The following COG5 variants were observed in gnomAD, a reference collection of about 807,000 sequenced individuals.
COG5 encodes conserved oligomeric Golgi complex subunit 5.
COG5 carries 86 observed loss-of-function variants against 110.4 expected under a neutral mutation model. The ratio of observed to expected loss-of-function variants is 0.78; its 90% confidence interval spans 0.65 to 0.93. The LOEUF (loss-of-function observed/expected upper bound fraction) is 0.93. Ranked by LOEUF, COG5 falls within the 40% of genes least tolerant of loss-of-function variation. COG5 has a pLI of 0.00. For missense variants in COG5, 1,077 were observed against 987.0 expected, an observed-to-expected ratio of 1.09 and a Z score of -1.22; for synonymous variants, 360 against 334.6, an observed-to-expected ratio of 1.08 and a Z score of -0.83.
chr7:107,460,029 A>T (rs190924178), intron 6 of COG5, among the ~76,000 whole-genome samples: 208 of 152,330 alleles, frequency 1.4e-3, no homozygotes, highest in Non-Finnish European at 2.6e-3. Flanking sequence ...CATACAAATC[A>T]TGTTCTCTGA....
At chr7:107,353,241 C>T (rs966022652) in intron 10 of COG5, among the ~76,000 whole-genome samples, 34 of 151,816 alleles carry the variant, frequency 2.2e-4, no homozygotes, top group African/African-American at 7.0e-4. Flanking sequence ...CTGGCTAACA[C>T]GGTGAAACCC....
chr7:107,444,715 C>T (rs1251357934), intron 6 of COG5, among the ~76,000 whole-genome samples: 2 of 152,082 alleles, frequency 1.3e-5, no homozygotes, highest in East Asian at 3.8e-4. Context: ...TATGCCTCTC[C>T]TGTAATAAAA....
intron 7 of COG5, among the ~76,000 whole-genome samples, chr7:107,380,488 C>A (rs1218948433): frequency 6.6e-6 from 1 of 152,154 alleles, no homozygotes; most frequent in Non-Finnish European, 1.5e-5. Context: ...GAGATCACCA[C>A]TGATCCCACA....
chr7:107,264,020 G>C (rs558983148), intron 14 of COG5, among the ~76,000 whole-genome samples: 2 of 151,956 alleles, frequency 1.3e-5, no homozygotes, highest in Admixed American at 1.3e-4. Flanking sequence ...TGATGGCTCC[G>C]AAAAATGTCT....
chr7:107,358,165 C>T (rs1812791120), intron 10 of COG5, among the ~76,000 whole-genome samples: 1 of 152,230 alleles, frequency 6.6e-6, no homozygotes, highest in East Asian at 1.9e-4. Context: ...ACAGTTGTTT[C>T]ATTATAACTG....
intron 6 of COG5, among the ~76,000 whole-genome samples, chr7:107,467,316 C>T (rs1364419708): frequency 6.6e-6 from 1 of 152,058 alleles, no homozygotes; most frequent in Non-Finnish European, 1.5e-5. Context: ...GTGAGTGTTA[C>T]TACGGAAACA....
chr7:107,284,297 T>G (rs1193299857), intron 12 of COG5, among the ~76,000 whole-genome samples: 1 of 152,212 alleles, frequency 6.6e-6, no homozygotes, highest in Non-Finnish European at 1.5e-5. Flanking sequence ...CCTACTGTAT[T>G]ATCTGTTTCC....
At chr7:107,219,214 A>C (rs984652866) in intron 19 of COG5, among the ~76,000 whole-genome samples, 1 of 152,190 alleles carries the variant, frequency 6.6e-6, no homozygotes, top group Non-Finnish European at 1.5e-5. Context: ...GTGGGGGAAA[A>C]GGGAACCCTT....
At chr7:107,492,403 G>C (rs1215920121) in intron 6 of COG5, among the ~76,000 whole-genome samples, 1 of 151,990 alleles carries the variant, frequency 6.6e-6, no homozygotes, top group Non-Finnish European at 1.5e-5. Context: ...TTACCTTATA[G>C]CTCTGAAGGT....
At chr7:107,342,368 C>CAAAAAAAAAAAAAA (rs796981383) in intron 10 of COG5, among the ~76,000 whole-genome samples, 1 of 97,778 alleles carries the variant, frequency 1.0e-5, no homozygotes. Flanking sequence ...ACAAACAAAC[C>CAAAAAAAAAAAAAA]AAAAAAAAAA....
intron 6 of COG5, among the ~76,000 whole-genome samples, chr7:107,486,211 T>C (rs1416702902): frequency 6.6e-6 from 1 of 152,048 alleles, no homozygotes. Flanking sequence ...GTGAAAAACA[T>C]ACATTTTCAC....
At chr7:107,437,825 C>T (rs1339501418) in intron 6 of COG5, among the ~76,000 whole-genome samples, 1 of 152,070 alleles carries the variant, frequency 6.6e-6, no homozygotes, top group Non-Finnish European at 1.5e-5. Flanking sequence ...AACCAATATC[C>T]ACTTTCCCCT....
intron 5 of COG5, among the ~76,000 whole-genome samples, chr7:107,540,853 TA>T (rs1195399992): frequency 1.3e-5 from 2 of 152,034 alleles, no homozygotes; most frequent in African/African-American, 2.4e-5. Context: ...AATTAAATGT[TA>T]AAATATATTT....
chr7:107,322,141 T>C (rs985012198), intron 11 of COG5, among the ~76,000 whole-genome samples: 4 of 152,228 alleles, frequency 2.6e-5, no homozygotes, highest in Admixed American at 2.6e-4. Context: ...TGAATGGTTT[T>C]ATCTCCCCAA....
chr7:107,386,562 G>A (rs1316068800), intron 7 of COG5, among the ~76,000 whole-genome samples: 1 of 152,130 alleles, frequency 6.6e-6, no homozygotes, highest in Non-Finnish European at 1.5e-5. Context: ...CCAAGTTTGG[G>A]GGGGATTGTT....
intron 5 of COG5, among the ~76,000 whole-genome samples, chr7:107,538,924 A>G (rs1801782153): frequency 6.6e-6 from 1 of 152,228 alleles, no homozygotes; most frequent in Non-Finnish European, 1.5e-5. Context: ...ATATTATTTG[A>G]CCATATAAGT....
intron 7 of COG5, among the ~76,000 whole-genome samples, chr7:107,385,572 T>G (rs1400661065): frequency 9.9e-5 from 15 of 152,116 alleles, no homozygotes; most frequent in African/African-American, 2.4e-5. Flanking sequence ...GGATAAACCT[T>G]GAGGACATTT....
chr7:107,507,044 C>A (rs1412316629), intron 6 of COG5, among the ~76,000 whole-genome samples: 1 of 152,202 alleles, frequency 6.6e-6, no homozygotes, highest in African/African-American at 2.4e-5. Context: ...TATGTCACCA[C>A]TTCCTAAATC....
intron 7 of COG5, among the ~76,000 whole-genome samples, chr7:107,376,464 T>C (rs1209588266): frequency 2.0e-5 from 3 of 151,968 alleles, no homozygotes; most frequent in Admixed American, 6.6e-5. Context: ...TAATGTTTTA[T>C]AGATAGTTTT....
Sources: gnomAD v4.1 joint callset for allele counts (sites outside exome capture counted in the v4.1 genomes callset) on GRCh38, gnomAD v4.1.1 for gene constraint, MANE v1.5 for transcripts, NCBI Gene and HGNC (gene_info 2026-07-23, HGNC 2026-07-21) for gene names.